The following ADRA1D variants were observed in gnomAD, a reference collection of about 807,000 sequenced individuals.
ADRA1D encodes adrenoceptor alpha 1D.
A neutral mutation model predicts 18.6 loss-of-function variants in ADRA1D; 22 were observed. The ratio of observed to expected loss-of-function variants is 1.19; its 90% CI spans 0.85 to 1.69. The LOEUF (loss-of-function observed/expected upper bound fraction) is 1.69. ADRA1D is among the 40% of genes most tolerant of loss of function. The pLI is 0.00. For synonymous variants in ADRA1D, 376 were observed against 388.2 expected (o/e 0.97, Z 0.37); for missense variants, 840 against 840.7 (o/e 1.00, Z 0.01).
At position 4,222,011 on chromosome 20, in the gene ADRA1D, G is replaced by C. The variant is rs747871078; in HGVS notation, c.1231C>G (p.Arg411Gly). The C allele has an allele frequency of 2.6e-5, 41 of 1,599,552 alleles. No individual in the cohort carries two copies. The highest frequency in any genetic ancestry group is 3.4e-5 in the Non-Finnish European group (40 of 1,172,924). The change falls in exon 2 of 2, where the codon CGC becomes GGC. Residue 411 changes from arginine to glycine, a missense_variant. By Grantham distance (125) the Arg-to-Gly change is moderately radical. Transcript: ENST00000379453. This position sits in a 1 kb window ranked among gnomAD's most constrained non-coding sequence, Gnocchi z 4.3. Reference protein sequence around the residue: ...IYPCSSREFKRAFLRLLRCQC... With the variant: ...IYPCSSREFKGAFLRLLRCQC... The stretch of plus-strand genomic sequence containing the variant: ...CAGCGCAGGAGACGGAGGAAGGCGC[G>C]CTTGAACTCGCGGCTGGAACAGGGG...
Position 4,249,046 on chromosome 20 carries a change from G to T in ADRA1D, c.-89C>A. The T allele has an allele frequency of 2.0e-6, 2 of 1,002,758 alleles. No homozygotes were observed. Among genetic ancestry groups the T allele is most frequent in the Non-Finnish European group, 2.5e-6 (2 of 809,388 alleles). 62.1% of individuals were successfully genotyped at this position (1,002,758 alleles called of 1,614,324 possible). Reference sequence around the variant, plus strand: ...CACAGGGCATAGCCGCGGGGCTCCAGATGCAGCTCCGCGCACGGGTCCCGT... The same window carrying T: ...CACAGGGCATAGCCGCGGGGCTCCATATGCAGCTCCGCGCACGGGTCCCGT... On this transcript the variant is annotated 5_prime_UTR_variant, in exon 1 of 2. It adds an upstream start codon to the 5' untranslated region. Transcript: ENST00000379453.
intron 1 of ADRA1D, among the ~76,000 whole-genome samples, chr20:4,237,595 C>G (rs920862768): frequency 6.6e-6 from 1 of 151,808 alleles, no homozygotes; most frequent in Admixed American, 6.6e-5. Context: ...AGGAGCTACC[C>G]TGAGTAGGGC....
chr20:4,227,704 C>CCTTCCTTCCTTCCTTCCTTCCT (rs1980839730), intron 1 of ADRA1D, among the ~76,000 whole-genome samples: 1 of 92,542 alleles, frequency 1.1e-5, no homozygotes, highest in African/African-American at 4.5e-5. Flanking sequence ...CCCTCCCTCC[C>CCTTCCTTCCTTCCTTCCTTCCT]TCCTTCCTTC....
At chr20:4,231,263 A>AATTATTATTATTATT (rs1167951096) in intron 1 of ADRA1D, among the ~76,000 whole-genome samples, 1 of 83,910 alleles carries the variant, frequency 1.2e-5, no homozygotes, top group South Asian at 4.4e-4. Flanking sequence ...ACACCTGGCT[A>AATTATTATTATTATT]ATTGTTATTA....
chr20:4,232,664 A>T (rs1028438227), intron 1 of ADRA1D, among the ~76,000 whole-genome samples: 2 of 152,146 alleles, frequency 1.3e-5, no homozygotes, highest in Admixed American at 6.5e-5. Context: ...TTGAAGTCAG[A>T]TGATGTTGGT....
chr20:4,238,078 C>A (rs891017182), intron 1 of ADRA1D, among the ~76,000 whole-genome samples: 2 of 150,746 alleles, frequency 1.3e-5, no homozygotes, highest in Non-Finnish European at 3.0e-5. Context: ...TGAAACCCCC[C>A]CCGTCTCTAC....
chr20:4,240,580 G>C (rs932673327), intron 1 of ADRA1D, among the ~76,000 whole-genome samples: 1 of 152,008 alleles, frequency 6.6e-6, no homozygotes, highest in Non-Finnish European at 1.5e-5. Flanking sequence ...GATCACCTGA[G>C]GTCAGGAGTT....
rs767741828 is a variant in ADRA1D at position 4,222,056 on chromosome 20, A to G, written c.1186T>C (p.Cys396Arg). 1 of 1,612,518 alleles carries G rather than the reference A, an allele frequency of 6.2e-7. No individual in the cohort carries two copies. The highest frequency in any genetic ancestry group is 8.5e-7 in the Non-Finnish European group (1 of 1,179,400). The part of the protein sequence containing the change: ...VIFWLGYFNS[C>R]VNPLIYPCSS... The stretch of plus-strand genomic sequence containing the variant: ...CAGGGGTAGATGAGCGGGTTCACGC[A>G]GCTGTTGAAGTAGCCGAGCCAGAAG... Residue 396 changes from cysteine (C) to arginine (R), a missense_variant, in exon 2 of 2, where the codon TGC becomes CGC. By Grantham distance (180) the Cys-to-Arg change is radical. Coordinates refer to ENST00000379453, the MANE Select transcript of ADRA1D (RefSeq NM_000678.4). This position sits in a 1 kb window ranked among gnomAD's most constrained non-coding sequence, Gnocchi z 4.3.
chr20:4,225,837 GT>G (rs150304029), intron 1 of ADRA1D, among the ~76,000 whole-genome samples: 11,000 of 152,124 alleles, frequency 0.072, 1,044 homozygotes, highest in African/African-American at 0.22. Context: ...GACCTAGTGG[GT>G]TTTAGGGGCC....
intron 1 of ADRA1D, among the ~76,000 whole-genome samples, chr20:4,229,728 TC>T (rs1980910078): frequency 6.6e-6 from 1 of 151,382 alleles, no homozygotes; most frequent in Admixed American, 6.6e-5. Context: ...CAATGCGCCC[TC>T]CCACCCTGTC....
chr20:4,248,865 G>A lies in ADRA1D; in HGVS notation c.93C>T (p.Ser31=), dbSNP rs1177756807. The change falls in exon 1 of 2, where the codon AGC becomes AGT. Residue 31 remains serine, a synonymous_variant. Transcript: ENST00000379453. The part of the protein sequence containing the change: ...GGSSAGGGGG[S]AGGAAPSEGP... Reference sequence around the variant, plus strand: ...CCTCCGAGGGGGCCGCGCCGCCCGCGCTGCCCCCGCCGCCGCCCGCGCTGG... The same window carrying A: ...CCTCCGAGGGGGCCGCGCCGCCCGCACTGCCCCCGCCGCCGCCCGCGCTGG... 3.8e-6 allele frequency: 4 copies of A among 1,056,114 alleles called. No individual in the cohort carries two copies. Among genetic ancestry groups the A allele is most frequent in the Non-Finnish European group, 4.6e-6 (4 of 872,306 alleles). The allele number at this position is 1,056,114 out of a possible 1,614,324, so 65.4% of individuals were successfully genotyped here.
chr20:4,244,436 C>T (rs1054393373), intron 1 of ADRA1D, among the ~76,000 whole-genome samples: 5 of 152,294 alleles, frequency 3.3e-5, no homozygotes, highest in Middle Eastern at 3.4e-3. Context: ...CTCCCCAAAG[C>T]TCTGTCCTGA....
intron 1 of ADRA1D, among the ~76,000 whole-genome samples, chr20:4,224,400 C>T (rs1036580043): frequency 4.6e-5 from 7 of 152,114 alleles, no homozygotes; most frequent in Non-Finnish European, 1.0e-4. Flanking sequence ...ACAAACATCT[C>T]CCCTGACATC....
rs114022579 is a variant in ADRA1D at position 4,232,829 on chromosome 20, T to C, written c.1112-10699A>G. 4.6e-3 allele frequency among the ~76,000 whole-genome samples: 694 copies of C among 152,282 alleles called. 8 individuals are homozygous for C. The highest frequency in any genetic ancestry group is 0.016 in the African/African-American group (657 of 41,576). The stretch of plus-strand genomic sequence containing the variant: ...CAGCCTGCAGCCAATGACAGACTGA[T>C]GTGGTGATAGAGAAGGCCGGCCCCC... On this transcript the variant is annotated intron_variant, in intron 1 of 1. Transcript: ENST00000379453.
chr20:4,223,112 C>A (rs1980713149), intron 1 of ADRA1D, among the ~76,000 whole-genome samples: 3 of 150,742 alleles, frequency 2.0e-5, no homozygotes, highest in Admixed American at 2.0e-4. Context: ...TTTTTTTAGA[C>A]CCACAGAGTC....
At chr20:4,231,947 C>T (rs1361868800) in intron 1 of ADRA1D, among the ~76,000 whole-genome samples, 1 of 152,124 alleles carries the variant, frequency 6.6e-6, no homozygotes, top group African/African-American at 2.4e-5. Context: ...GAGTATCGCT[C>T]TCTTGCCCAG....
intron 1 of ADRA1D, among the ~76,000 whole-genome samples, chr20:4,236,763 CAG>C (rs1264869868): frequency 4.6e-5 from 7 of 152,090 alleles, no homozygotes; most frequent in Admixed American, 4.6e-4. Flanking sequence ...GGCTCAGAGC[CAG>C]AGAGGGAGAC....
intron 1 of ADRA1D, among the ~76,000 whole-genome samples, chr20:4,228,939 C>G (rs1980887288): frequency 6.6e-6 from 1 of 152,206 alleles, no homozygotes; most frequent in Non-Finnish European, 1.5e-5. Context: ...TGACCTCACT[C>G]TGCTCTGCTG....
At chr20:4,237,870 C>T (rs891727577) in intron 1 of ADRA1D, among the ~76,000 whole-genome samples, 60 of 99,800 alleles carry the variant, frequency 6.0e-4, no homozygotes, top group African/African-American at 1.8e-3. Flanking sequence ...TTAGTAGAGA[C>T]GGGGTTTCAC....
Sources: allele counts gnomAD v4.1 joint callset (sites outside exome capture counted in the v4.1 genomes callset), GRCh38; gene constraint gnomAD v4.1.1; non-coding constraint Gnocchi (gnomAD v3.1); transcripts MANE v1.5; gene names NCBI Gene and HGNC (gene_info 2026-07-23, HGNC 2026-07-21).